Variants in NOS1 observed in about 807,000 individuals in gnomAD.
NOS1 encodes the protein nitric oxide synthase 1.
In NOS1, 51 loss-of-function variants were observed where a neutral mutation model predicts 164.5. The observed-to-expected ratio is 0.31, with a 90% CI of 0.25 to 0.39. The LOEUF is 0.39. Ranked by LOEUF, NOS1 falls within the 10% of genes least tolerant of loss-of-function variation. NOS1 has a pLI of 1.00. For missense variants in NOS1, 1,362 were observed against 1,885.6 expected, an observed-to-expected ratio of 0.72 and a Z score of 5.14; for synonymous variants, 719 against 745.8, an observed-to-expected ratio of 0.96 and a Z score of 0.59.
chr12:117,312,940 T>A (rs892067909), intron 2 of NOS1, among the ~76,000 whole-genome samples: 1 of 152,058 alleles, frequency 6.6e-6, no homozygotes, highest in Non-Finnish European at 1.5e-5. Context: ...GCCACCATCA[T>A]TCTCATTGTT....
At chr12:117,284,858 T>A (rs1873977378) in intron 7 of NOS1, among the ~76,000 whole-genome samples, 1 of 151,812 alleles carries the variant, frequency 6.6e-6, no homozygotes, top group Non-Finnish European at 1.5e-5. Context: ...GAGACCAGCA[T>A]GGTCAACATC....
chr12:117,208,144 G>T lies in NOS1; in HGVS notation c.*7165C>A. 2 of 723,116 alleles carry T rather than the reference G, an allele frequency of 2.8e-6. No individual in the cohort carries two copies. Among genetic ancestry groups the T allele is most frequent in the Non-Finnish European group, 3.9e-6 (2 of 516,922 alleles). 44.8% of individuals were successfully genotyped at this position (723,116 alleles called of 1,614,324 possible). A position where few individuals can be genotyped will look rare whatever the true frequency, so the allele number is the denominator to read the frequency against. On this transcript the variant is annotated 3_prime_UTR_variant, in exon 29 of 29. Transcript: ENST00000317775. The stretch of plus-strand genomic sequence containing the variant: ...ACAGAAGACAGCAGCCAGCCAAGTT[G>T]AATCCACTTTTTAATATTGTAACCA...
rs1049087239 is a variant in NOS1 at position 117,213,986 on chromosome 12, G to A, written c.*1323C>T. 3.0e-6 allele frequency: 3 copies of A among 985,310 alleles called. No homozygotes were observed. The highest frequency in any genetic ancestry group is 3.6e-6 in the Non-Finnish European group (3 of 829,916). 61.0% of individuals were successfully genotyped at this position (985,310 alleles called of 1,614,324 possible). On this transcript the variant is annotated 3_prime_UTR_variant, in exon 29 of 29. Coordinates refer to ENST00000317775, the MANE Select transcript of NOS1 (RefSeq NM_000620.5). ...GATCTGAGTTGAGGGTAACTTATTT[G>A]TCAAAATTAATTTAACAGGTTTAAA...
In NOS1 at chr12:117,214,765, A is replaced by G. The variant is rs1956576805; in HGVS notation, c.*544T>C. The G allele has an allele frequency of 4.1e-6, 4 of 985,426 alleles. No homozygotes were observed. The highest frequency in any genetic ancestry group is 3.6e-6 in the Non-Finnish European group (3 of 830,050). 61.0% of individuals were successfully genotyped at this position (985,426 alleles called of 1,614,324 possible). A position where few individuals can be genotyped will look rare whatever the true frequency, so the allele number is the denominator to read the frequency against. On this transcript the variant is annotated 3_prime_UTR_variant, in exon 29 of 29. Coordinates refer to ENST00000317775, the MANE Select transcript of NOS1 (RefSeq NM_000620.5). ...CGTTTCTTGGCATTGAGGGTCTTCA[A>G]TGAAAGCAGTGGCAATCTAAGATCG...
At chr12:117,261,322 C>A (rs140984680) in intron 13 of NOS1, among the ~76,000 whole-genome samples, 1 of 151,878 alleles carries the variant, frequency 6.6e-6, no homozygotes, top group Non-Finnish European at 1.5e-5. Flanking sequence ...AAAAGATGAT[C>A]GTTCATCCAT....
intron 22 of NOS1, among the ~76,000 whole-genome samples, chr12:117,230,123 G>C (rs143515566): frequency 2.0e-5 from 3 of 151,248 alleles, no homozygotes; most frequent in Non-Finnish European, 4.4e-5. Flanking sequence ...TATGTTGCCC[G>C]GGTTGGTTCC....
intron 17 of NOS1, among the ~76,000 whole-genome samples, chr12:117,249,419 G>A (rs759630442): frequency 2.6e-4 from 40 of 152,120 alleles, no homozygotes; most frequent in Non-Finnish European, 2.9e-5. Context: ...CTTCTAAGCT[G>A]GACCAATTGG....
At chr12:117,224,004 G>A (rs1868421945) in intron 25 of NOS1, among the ~76,000 whole-genome samples, 2 of 152,190 alleles carry the variant, frequency 1.3e-5, no homozygotes, top group Non-Finnish European at 2.9e-5. Context: ...CAAAATGGAA[G>A]TAACAGGACT....
intron 2 of NOS1, among the ~76,000 whole-genome samples, chr12:117,326,681 C>G (rs1264591423): frequency 6.6e-6 from 1 of 152,206 alleles, no homozygotes; most frequent in Non-Finnish European, 1.5e-5. Flanking sequence ...AAGCTGAGAG[C>G]TTGGATGCAG....
Position 117,210,672 on chromosome 12 carries a change from C to T in NOS1, c.*4637G>A. 4 of 985,444 alleles carry T rather than the reference C, an allele frequency of 4.1e-6. No homozygotes were observed. Among genetic ancestry groups the T allele is most frequent in the Non-Finnish European group, 2.4e-6 (2 of 829,948 alleles). 61.0% of individuals were successfully genotyped at this position (985,444 alleles called of 1,614,324 possible). A position where few individuals can be genotyped will look rare whatever the true frequency, so the allele number is the denominator to read the frequency against. The stretch of plus-strand genomic sequence containing the variant: ...ATGAGCTAGGTCAGGACACCTCTCA[C>T]TTGTTTTGAGCTTAGGGCAAGACCT... On this transcript the variant is annotated 3_prime_UTR_variant, in exon 29 of 29. Coordinates refer to ENST00000317775, the MANE Select transcript of NOS1 (RefSeq NM_000620.5).
intron 10 of NOS1, among the ~76,000 whole-genome samples, chr12:117,269,884 T>C (rs1872677807): frequency 1.3e-5 from 2 of 152,100 alleles, no homozygotes; most frequent in Admixed American, 1.3e-4. Context: ...ATCTAGGCCA[T>C]GGGTGCTCTG....
intron 13 of NOS1, among the ~76,000 whole-genome samples, chr12:117,261,026 G>A (rs1202714396): frequency 2.0e-5 from 3 of 151,628 alleles, no homozygotes; most frequent in African/African-American, 7.3e-5. Context: ...AAAATTAGCC[G>A]GGAGTGGCAG....
In NOS1 at chr12:117,330,772, G is replaced by C. The variant is rs376848682; in HGVS notation, c.298C>G (p.Pro100Ala). Residue 100 changes from proline (P) to alanine (A), a missense_variant, in exon 2 of 29, where the codon CCT becomes GCT. Pro to Ala is a conservative substitution (Grantham distance 27, BLOSUM62 -1). Coordinates refer to ENST00000317775, the MANE Select transcript of NOS1 (RefSeq NM_000620.5). This position sits in a 1 kb window ranked among gnomAD's most constrained non-coding sequence, Gnocchi z 4.6. ...ETHVVLILRG[P>A]EGFTTHLETT... The stretch of plus-strand genomic sequence containing the variant: ...TCCAGGTGCGTGGTGAAACCTTCAG[G>C]GCCCCTCAGAATGAGGACCACGTGG... 2 of 1,613,880 alleles carry C rather than the reference G, an allele frequency of 1.2e-6. No homozygotes were observed. Among genetic ancestry groups the C allele is most frequent in the East Asian group, 2.2e-5 (1 of 44,860 alleles).
chr12:117,299,614 G>T (rs1443109138), intron 3 of NOS1, among the ~76,000 whole-genome samples: 1 of 150,336 alleles, frequency 6.7e-6, no homozygotes, highest in Non-Finnish European at 1.5e-5. Context: ...ACTCCAGCCT[G>T]GGCGACTGAG....
intron 13 of NOS1, among the ~76,000 whole-genome samples, chr12:117,263,198 G>A (rs1441343833): frequency 6.6e-6 from 1 of 150,728 alleles, no homozygotes; most frequent in Non-Finnish European, 1.5e-5. Context: ...ACAGGCGTGT[G>A]CTGCGACACC....
At chr12:117,315,906 G>T (rs1311291558) in intron 2 of NOS1, among the ~76,000 whole-genome samples, 1 of 152,200 alleles carries the variant, frequency 6.6e-6, no homozygotes, top group East Asian at 1.9e-4. Context: ...AGGAAACAGA[G>T]AAAGAAACTT....
chr12:117,325,636 T>G (rs940214249), intron 2 of NOS1, among the ~76,000 whole-genome samples: 1 of 152,222 alleles, frequency 6.6e-6, no homozygotes, highest in African/African-American at 2.4e-5. Context: ...TAAAACAGAC[T>G]GAATTTTCCG....
Position 117,251,798 on chromosome 12 carries a change from C to A in NOS1, c.2648+1840G>T, listed in dbSNP as rs566700407. On this transcript the variant is annotated intron_variant, in intron 17 of 28. Coordinates refer to ENST00000317775, the MANE Select transcript of NOS1 (RefSeq NM_000620.5). ...CCAGGCTGGAATGCAGTGGCGCCAT[C>A]TCGGCTCACTGTAACCTCTGCCTCC... is the stretch of plus-strand genomic sequence containing the variant. Among the ~76,000 whole-genome samples the A allele has an allele frequency of 2.0e-5, 3 of 151,782 alleles. No homozygotes were observed. The East Asian group carries it at 5.8e-4, about 29-fold the overall frequency.
intron 14 of NOS1, 66 bp downstream of exon 14, chr12:117,260,399 C>G: frequency 1.3e-6 from 2 of 1,578,106 alleles, no homozygotes; most frequent in East Asian, 2.3e-5. Flanking sequence ...GTTGACTTCC[C>G]TCTCTCCCCT....
Sources: gnomAD v4.1 joint callset for allele counts (sites outside exome capture counted in the v4.1 genomes callset) on GRCh38, gnomAD v4.1.1 for gene constraint, Gnocchi (gnomAD v3.1) non-coding constraint, MANE v1.5 for transcripts, NCBI Gene and HGNC (gene_info 2026-07-23, HGNC 2026-07-21) for gene names.